The following CACNA1E variants were observed in gnomAD, a reference collection of about 807,000 sequenced individuals.
The protein encoded by CACNA1E is voltage-dependent R-type calcium channel subunit alpha-1E.
Under a neutral mutation model 259.2 loss-of-function variants are expected in CACNA1E, and 40 were observed. The observed-to-expected ratio is 0.15, with a 90% CI of 0.12 to 0.20. CACNA1E has a LOEUF of 0.20. Among genes scored for constraint, CACNA1E ranks in the 10% least tolerant of loss-of-function variants. The pLI is 1.00. For synonymous variants in CACNA1E, 1,104 were observed against 1,138.5 expected (o/e 0.97, Z 0.61); for missense variants, 1,874 against 3,040.1 (o/e 0.62, Z 9.02).
At chr1:181,530,749 G>A (rs935384958) in intron 3 of CACNA1E, among the ~76,000 whole-genome samples, 4 of 152,208 alleles carry the variant, frequency 2.6e-5, no homozygotes, top group Non-Finnish European at 5.9e-5. Context: ...TGAGTCATGA[G>A]GGGCACCATA....
chr1:181,741,042 T>A (rs1042424543), intron 25 of CACNA1E, among the ~76,000 whole-genome samples: 6 of 152,234 alleles, frequency 3.9e-5, no homozygotes, highest in African/African-American at 1.4e-4. Flanking sequence ...AAAGGTCAAG[T>A]TCCCTTTCAT....
intron 1 of CACNA1E, among the ~76,000 whole-genome samples, chr1:181,362,506 C>A (rs1173188291): frequency 6.6e-6 from 1 of 152,174 alleles, no homozygotes; most frequent in East Asian, 1.9e-4. Flanking sequence ...GTTTCCTTGT[C>A]TGTAGAATAG....
At chr1:181,560,922 G>A (rs1269539450) in intron 3 of CACNA1E, among the ~76,000 whole-genome samples, 2 of 152,208 alleles carry the variant, frequency 1.3e-5, no homozygotes, top group African/African-American at 4.8e-5. Flanking sequence ...ACGAAGGTAG[G>A]CCTGACACAT....
intron 25 of CACNA1E, among the ~76,000 whole-genome samples, chr1:181,743,416 A>G (rs544671693): frequency 6.6e-6 from 1 of 152,338 alleles, no homozygotes; most frequent in South Asian, 2.1e-4. Flanking sequence ...AGACTCCTGC[A>G]TGGAAGGCAA....
chr1:181,492,341 A>G (rs1338313177), intron 1 of CACNA1E, among the ~76,000 whole-genome samples: 2 of 152,056 alleles, frequency 1.3e-5, no homozygotes, highest in Admixed American at 6.5e-5. Flanking sequence ...TTGTATTTTG[A>G]GCTTTGTGTG....
chr1:181,617,326 C>T (rs1191724841), intron 6 of CACNA1E, among the ~76,000 whole-genome samples: 1 of 150,906 alleles, frequency 6.6e-6, no homozygotes. Context: ...GTGTTTTGCT[C>T]ATCATGGTAT....
intron 7 of CACNA1E, among the ~76,000 whole-genome samples, chr1:181,702,598 CT>C (rs1652379087): frequency 6.6e-6 from 1 of 152,164 alleles, no homozygotes; most frequent in African/African-American, 2.4e-5. Context: ...CCACTCTGAC[CT>C]TTTTTCCATG....
chr1:181,788,336 C>A (rs77294804), intron 43 of CACNA1E, among the ~76,000 whole-genome samples: 3 of 152,058 alleles, frequency 2.0e-5, no homozygotes, highest in African/African-American at 2.4e-5. Flanking sequence ...GTTTCTAGAG[C>A]CATGCATTGT....
intron 1 of CACNA1E, among the ~76,000 whole-genome samples, chr1:181,405,902 G>A (rs1340126744): frequency 1.3e-5 from 2 of 152,154 alleles, no homozygotes; most frequent in East Asian, 3.8e-4. Context: ...CAGGGCTTGG[G>A]TGTTAGCAGG....
chr1:181,743,689 TTCTG>T (rs1271516589), intron 25 of CACNA1E, among the ~76,000 whole-genome samples: 1 of 152,226 alleles, frequency 6.6e-6, no homozygotes, highest in African/African-American at 2.4e-5. Context: ...GTGTGTGTCT[TTCTG>T]TGTGTGACAC....
intron 12 of CACNA1E, among the ~76,000 whole-genome samples, chr1:181,718,428 C>T (rs1654106004): frequency 6.6e-6 from 1 of 151,806 alleles, no homozygotes; most frequent in African/African-American, 2.4e-5. Flanking sequence ...AAGTGTATAG[C>T]TCCGTGAGAG....
At chr1:181,737,839 A>AT (rs1656193534) in intron 23 of CACNA1E, among the ~76,000 whole-genome samples, 185 bp downstream of exon 23, 2 of 152,178 alleles carry the variant, frequency 1.3e-5, no homozygotes, top group Admixed American at 1.3e-4. Flanking sequence ...TTAGCCCAAC[A>AT]TACTACAAGG....
chr1:181,448,682 A>T (rs1267872579), intron 2 of CACNA1E, among the ~76,000 whole-genome samples: 1 of 152,232 alleles, frequency 6.6e-6, no homozygotes, highest in Non-Finnish European at 1.5e-5. Context: ...GAGATAACTG[A>T]TAAAGTGAAG....
intron 3 of CACNA1E, among the ~76,000 whole-genome samples, chr1:181,548,566 G>A (rs1294982508): frequency 6.6e-6 from 1 of 152,192 alleles, no homozygotes; most frequent in Non-Finnish European, 1.5e-5. Flanking sequence ...TCCACACAAT[G>A]TCTTGCACAT....
At chr1:181,715,224 T>G in intron 8 of CACNA1E, 114 bp from the exon 9 acceptor site, 1 of 681,778 alleles carries the variant, frequency 1.5e-6, no homozygotes, top group South Asian at 1.7e-5. Context: ...TGACAGGCTC[T>G]GAACTCTGCT....
chr1:181,635,912 A>G (rs1657168724), intron 6 of CACNA1E, among the ~76,000 whole-genome samples: 1 of 152,222 alleles, frequency 6.6e-6, no homozygotes, highest in Admixed American at 6.5e-5. Context: ...GCCCTCTAAG[A>G]GTTCACAGAT....
chr1:181,770,272 T>C (rs953544037), intron 35 of CACNA1E, among the ~76,000 whole-genome samples: 1 of 152,146 alleles, frequency 6.6e-6, no homozygotes, highest in African/African-American at 2.4e-5. Context: ...AACATTGACT[T>C]GTGAGAATAG....
intron 8 of CACNA1E, among the ~76,000 whole-genome samples, chr1:181,714,076 T>A (rs188495528): frequency 1.2e-4 from 18 of 152,198 alleles, no homozygotes; most frequent in African/African-American, 4.3e-4. Context: ...TACCTCAAAT[T>A]AGCATAGACC....
At chr1:181,556,871 A>G (rs899118554) in intron 3 of CACNA1E, among the ~76,000 whole-genome samples, 1 of 152,188 alleles carries the variant, frequency 6.6e-6, no homozygotes, top group African/African-American at 2.4e-5. Flanking sequence ...TGGAAAGAGA[A>G]CCGAGGATAA....
Sources: gnomAD v4.1 joint callset for allele counts (sites outside exome capture counted in the v4.1 genomes callset) on GRCh38, gnomAD v4.1.1 for gene constraint, MANE v1.5 for transcripts, NCBI Gene and HGNC (gene_info 2026-07-23, HGNC 2026-07-21) for gene names.